SF3B1: variants seen among roughly 807,000 people sequenced by gnomAD.
SF3B1 encodes the protein pre-mRNA processing 10.
Under a neutral mutation model 153.8 loss-of-function variants are expected in SF3B1, and 12 were observed. The observed-to-expected ratio is 0.08, with a 90% CI of 0.05 to 0.13. The LOEUF is 0.13. SF3B1 is among the 10% of genes least tolerant of loss of function. SF3B1 has a pLI of 1.00. For missense variants in SF3B1, 513 were observed against 1,606.1 expected, an observed-to-expected ratio of 0.32 and a Z score of 11.63; for synonymous variants, 498 against 525.2, an observed-to-expected ratio of 0.95 and a Z score of 0.71.
chr2:197,428,768 G>A (rs915102215), intron 1 of SF3B1, among the ~76,000 whole-genome samples: 3 of 152,010 alleles, frequency 2.0e-5, no homozygotes, highest in Admixed American at 6.6e-5. Flanking sequence ...GTGGTGGCAC[G>A]CCTGTAATCC....
chr2:197,400,279 A>T lies in SF3B1; in HGVS notation c.2874T>A (p.Thr958=), dbSNP rs772315910. 6.2e-7 allele frequency: 1 copy of T among 1,614,084 alleles called. No individual in the cohort carries two copies. The highest frequency in any genetic ancestry group is 1.1e-5 in the South Asian group (1 of 91,072). Residue 958 remains threonine (T), a synonymous_variant, in exon 19 of 25, where the codon ACT becomes ACA. Transcript: ENST00000335508. This position sits in a 1 kb window ranked among gnomAD's most constrained non-coding sequence, Gnocchi z 5.0. Reference sequence around the variant, plus strand: ...CTTGACAAGTCTTCATGACAACAGCAGTTCGAGAAATCAAGTCAGCTGCCT... The same window carrying T: ...CTTGACAAGTCTTCATGACAACAGCTGTTCGAGAAATCAAGTCAGCTGCCT... The part of the protein sequence containing the change: ...RQQAADLISR[T]AVVMKTCQEE...
chr2:197,419,800 A>G (rs1011824903), intron 4 of SF3B1: 13 of 225,262 alleles, frequency 5.8e-5, no homozygotes, highest in Non-Finnish European at 1.1e-4. Flanking sequence ...ATCTAATTTT[A>G]AGAAACAGGC....
At chr2:197,417,803 T>C (rs1213490764) in intron 5 of SF3B1, among the ~76,000 whole-genome samples, 1 of 151,886 alleles carries the variant, frequency 6.6e-6, no homozygotes, top group Non-Finnish European at 1.5e-5. Context: ...AATGGCATAA[T>C]CTCTGTAGGC....
intron 4 of SF3B1, 191 bp from the exon 5 acceptor site, chr2:197,418,779 A>G: frequency 6.8e-7 from 1 of 1,470,096 alleles, no homozygotes. Flanking sequence ...CTGTTTGAAC[A>G]CAAACATCTA....
Position 197,390,932 on chromosome 2 carries a change from AG to A in SF3B1, c.*1370del, listed in dbSNP as rs1244828008. ...TGTTTCTTAACTAAGCTTCTGAAGC[AG>A]GAACTCCTAAAGTGTCAATAGGCAG... On this transcript the variant is annotated 3_prime_UTR_variant, in exon 25 of 25. Transcript: ENST00000335508. The A allele has an allele frequency of 6.6e-6, 1 of 152,210 alleles. No individual in the cohort carries two copies. Among genetic ancestry groups the A allele is most frequent in the African/African-American group, 2.4e-5 (1 of 41,454 alleles). 9.4% of individuals were successfully genotyped at this position (152,210 alleles called of 1,614,324 possible).
At chr2:197,409,729 C>T (rs140178233) in intron 7 of SF3B1, 41 bp downstream of exon 7, 3 of 1,453,200 alleles carry the variant, frequency 2.1e-6, no homozygotes, top group African/African-American at 1.4e-5. Flanking sequence ...AAACATATCA[C>T]TCAACATTTC....
rs551326516 is a variant in SF3B1 at position 197,406,246 on chromosome 2, ATAATT to A, written c.1240-779_1240-775del. Among the ~76,000 whole-genome samples, 143 of 151,872 alleles carry A rather than the reference ATAATT, an allele frequency of 9.4e-4. 2 individuals carry two copies. Among genetic ancestry groups the A allele is most frequent in the Non-Finnish European group, 1.3e-4 (9 of 67,938 alleles). On this transcript the variant is annotated intron_variant, in intron 9 of 24. Transcript: ENST00000335508. The stretch of plus-strand genomic sequence containing the variant: ...TGGCAAGACCCCATCTCTATTTTAT[ATAATT>A]TAATATATAGTAAAAGAAAAAAAAT...
rs1458905774 is a variant in SF3B1 at position 197,398,112 on chromosome 2, C to A, written c.3139G>T (p.Ala1047Ser). 6.2e-7 allele frequency: 1 copy of A among 1,606,266 alleles called. No individual in the cohort carries two copies. The stretch of plus-strand genomic sequence containing the variant: ...CACTCTCTTGCAGATACATATTCAG[C>A]TCCCCTAATTTAAAAAATACACATA... Reference protein sequence around the residue: ...DLVGRIADRGAEYVSAREWMR... With the variant: ...DLVGRIADRGSEYVSAREWMR... The change falls in exon 22 of 25, where the codon GCT (alanine) becomes TCT (serine). Residue 1047 changes from alanine (A) to serine (S), a missense_variant. This residue lies in a region of SF3B1 where 17 missense variants were observed against 246.2 expected (regional missense o/e 0.07). Transcript: ENST00000335508.
intron 22 of SF3B1, 36 bp downstream of exon 22, chr2:197,397,949 A>G: frequency 6.6e-7 from 1 of 1,523,372 alleles, no homozygotes; most frequent in Non-Finnish European, 9.0e-7. Context: ...TTTATTATAA[A>G]GTAATTTTTT....
intron 6 of SF3B1, among the ~76,000 whole-genome samples, chr2:197,415,882 C>G (rs1188764833): frequency 1.3e-5 from 2 of 152,250 alleles, no homozygotes; most frequent in African/African-American, 4.8e-5. Context: ...TCACTGCAAC[C>G]TCTACCTCCG....
chr2:197,399,498 A>G (rs2084915225), intron 20 of SF3B1, among the ~76,000 whole-genome samples: 2 of 152,310 alleles, frequency 1.3e-5, no homozygotes, highest in South Asian at 4.1e-4. Context: ...CTCCATATCC[A>G]AGACCATTTG....
intron 1 of SF3B1, among the ~76,000 whole-genome samples, chr2:197,429,657 G>A (rs560162596): frequency 2.6e-5 from 4 of 152,058 alleles, no homozygotes; most frequent in African/African-American, 7.2e-5. Flanking sequence ...GATGGCGCGC[G>A]TCTGTAGTCC....
At chr2:197,393,393 CT>C in intron 23 of SF3B1, 1 of 549,422 alleles carries the variant, frequency 1.8e-6, no homozygotes, top group Non-Finnish European at 3.2e-6. Context: ...CACTTGAGGA[CT>C]TTTGCTTTAA....
chr2:197,390,644 G>C lies in SF3B1; in HGVS notation c.*1659C>G, dbSNP rs368341219. ...TTTTTTTTGAGACGGAGTCTCTGTCGCCCAGGCTGGAGTGTAGCAGCGCTA... is the reference window on the plus strand; with the variant it reads ...TTTTTTTTGAGACGGAGTCTCTGTCCCCCAGGCTGGAGTGTAGCAGCGCTA... On this transcript the variant is annotated 3_prime_UTR_variant, in exon 25 of 25. Transcript: ENST00000335508. The C allele has an allele frequency of 1.4e-5, 2 of 146,460 alleles. No homozygotes were observed. The highest frequency in any genetic ancestry group is 2.5e-5 in the African/African-American group (1 of 39,340). The allele number at this position is 146,460 out of a possible 1,614,324, so 9.1% of individuals were successfully genotyped here.
At chr2:197,408,315 A>C (rs993524395) in intron 8 of SF3B1, 54 bp downstream of exon 8, 27 of 1,545,658 alleles carry the variant, frequency 1.7e-5, no homozygotes, top group Non-Finnish European at 2.1e-5. Context: ...ACAAAGGAAA[A>C]AATTAAATAA....
chr2:197,392,047 T>G lies in SF3B1; in HGVS notation c.*256A>C, dbSNP rs1408608297. 1 of 283,458 alleles carries G rather than the reference T, an allele frequency of 3.5e-6. No individual in the cohort carries two copies. Among genetic ancestry groups the G allele is most frequent in the Non-Finnish European group, 6.6e-6 (1 of 152,600 alleles). 17.6% of individuals were successfully genotyped at this position (283,458 alleles called of 1,614,324 possible). ...AAACACAAGGAATGAGTTCTAAATC[T>G]TCATAAAGATGAATTAAAAATGAAA... On this transcript the variant is annotated 3_prime_UTR_variant, in exon 25 of 25. Transcript: ENST00000335508.
rs1174186913 is a variant in SF3B1 at position 197,398,637 on chromosome 2, T to C, written c.3014-56A>G. ...ATTTGAATTGCAACTTTTGTTCACTTTCCTTTTACTTAGCAATGTCATATA... is the reference window on the plus strand; with the variant it reads ...ATTTGAATTGCAACTTTTGTTCACTCTCCTTTTACTTAGCAATGTCATATA... On this transcript the variant is annotated intron_variant, in intron 20 of 24. Transcript: ENST00000335508. 8 of 1,521,768 alleles carry C rather than the reference T, an allele frequency of 5.3e-6. No homozygotes were observed. In the East Asian group the frequency reaches 1.1e-4, roughly 21 times the overall value. The allele number at this position is 1,521,768 out of a possible 1,614,324, so 94.3% of individuals were successfully genotyped here. A position where few individuals can be genotyped will look rare whatever the true frequency, so the allele number is the denominator to read the frequency against.
At chr2:197,422,108 G>C (rs2085253450) in intron 2 of SF3B1, among the ~76,000 whole-genome samples, 1 of 152,128 alleles carries the variant, frequency 6.6e-6, no homozygotes, top group Admixed American at 6.6e-5. Context: ...TAAAGATAAA[G>C]TGACAATTTC....
At chr2:197,417,964 A>G (rs1345737946) in intron 5 of SF3B1, among the ~76,000 whole-genome samples, 2 of 151,048 alleles carry the variant, frequency 1.3e-5, no homozygotes, top group Admixed American at 1.3e-4. Context: ...GGCCAGGCAC[A>G]GTGGCTCACA....
Sources: allele counts gnomAD v4.1 joint callset (sites outside exome capture counted in the v4.1 genomes callset), GRCh38; gene constraint gnomAD v4.1.1; regional missense constraint gnomAD v4.1.1; non-coding constraint Gnocchi (gnomAD v3.1); transcripts MANE v1.5; gene names NCBI Gene and HGNC (gene_info 2026-07-23, HGNC 2026-07-21).